Variants in DGKI observed in about 807,000 individuals in gnomAD.
DGKI encodes the protein DAG kinase iota.
DGKI carries 55 observed loss-of-function variants against 147.5 expected under a neutral mutation model. The observed-to-expected ratio is 0.37, with a 90% CI of 0.30 to 0.47. The LOEUF (loss-of-function observed/expected upper bound fraction) is 0.47, where lower values mean the gene tolerates loss of function less well. Among genes scored for constraint, DGKI ranks in the 20% least tolerant of loss-of-function variants. The probability of loss-of-function intolerance (pLI) is 1.00; values close to 1 mark genes in which losing one functional copy is unlikely to be tolerated. For synonymous variants in DGKI, 469 were observed against 477.1 expected, an observed-to-expected ratio of 0.98 and a Z score of 0.22; for missense variants, 1,007 against 1,323.8, an observed-to-expected ratio of 0.76 and a Z score of 3.71.
intron 1 of DGKI, among the ~76,000 whole-genome samples, chr7:137,836,353 T>A (rs957394557): frequency 6.6e-6 from 1 of 152,232 alleles, no homozygotes. Flanking sequence ...CTCATGAACA[T>A]ACTGACGAAT....
intron 3 of DGKI, among the ~76,000 whole-genome samples, chr7:137,673,059 G>A (rs145356454): frequency 0.01 from 1,551 of 152,010 alleles, 31 homozygotes; most frequent in African/African-American, 0.035. Context: ...TGGGATTACA[G>A]GCATGAGCCA....
chr7:137,713,242 C>T (rs547271737), intron 1 of DGKI, among the ~76,000 whole-genome samples: 1 of 152,216 alleles, frequency 6.6e-6, no homozygotes, highest in South Asian at 2.1e-4. Context: ...CTGCAGGACC[C>T]CTGCTCAAAT....
intron 23 of DGKI, among the ~76,000 whole-genome samples, chr7:137,476,937 G>T (rs1015702720): frequency 3.9e-5 from 6 of 152,152 alleles, no homozygotes; most frequent in Admixed American, 6.6e-5. Context: ...AGTGAGGTTT[G>T]GTATAGATCA....
intron 13 of DGKI, 88 bp downstream of exon 13, chr7:137,587,009 G>C (rs1439969033): frequency 1.8e-5 from 17 of 961,484 alleles, no homozygotes; most frequent in Non-Finnish European, 2.5e-5. Flanking sequence ...AGCAGCAGCA[G>C]TACCCCCCTC....
intron 24 of DGKI, among the ~76,000 whole-genome samples, chr7:137,467,266 A>G (rs1269416592): frequency 6.6e-6 from 1 of 152,194 alleles, no homozygotes; most frequent in African/African-American, 2.4e-5. Flanking sequence ...CCCTGCATCC[A>G]TCCACATTTA....
At chr7:137,811,593 C>T (rs775847123) in intron 1 of DGKI, among the ~76,000 whole-genome samples, 1 of 152,138 alleles carries the variant, frequency 6.6e-6, no homozygotes, top group African/African-American at 2.4e-5. Flanking sequence ...AACACTAAAA[C>T]GTAGTATAAG....
At chr7:137,475,027 C>T (rs905898802) in intron 23 of DGKI, among the ~76,000 whole-genome samples, 14 of 152,156 alleles carry the variant, frequency 9.2e-5, no homozygotes, top group African/African-American at 3.1e-4. Flanking sequence ...TATAATTATG[C>T]GAGAGATAAT....
chr7:137,433,158 C>A (rs1813145517), intron 28 of DGKI, among the ~76,000 whole-genome samples: 1 of 152,144 alleles, frequency 6.6e-6, no homozygotes, highest in African/African-American at 2.4e-5. Context: ...ATTTTAACAG[C>A]TTTATCCAGG....
chr7:137,390,781 T>C lies in DGKI; in HGVS notation c.*439A>G, dbSNP rs1811329384. On this transcript the variant is annotated 3_prime_UTR_variant, in exon 33 of 33. Coordinates refer to ENST00000614521, the MANE Select transcript of DGKI (RefSeq NM_001321708.2). Reference sequence around the variant, plus strand: ...AATCTTGTGGTCTTCCAAGACTGAATGTAAAGAGAAGAGATAATATTTTTC... The same window carrying C: ...AATCTTGTGGTCTTCCAAGACTGAACGTAAAGAGAAGAGATAATATTTTTC... The C allele has an allele frequency of 6.0e-6, 1 of 166,260 alleles. No individual in the cohort carries two copies. The highest frequency in any genetic ancestry group is 1.3e-5 in the Non-Finnish European group (1 of 75,772). 10.3% of individuals were successfully genotyped at this position (166,260 alleles called of 1,614,324 possible).
chr7:137,690,361 T>C (rs988493902), intron 1 of DGKI, among the ~76,000 whole-genome samples: 4 of 152,194 alleles, frequency 2.6e-5, no homozygotes, highest in Admixed American at 6.5e-5. Flanking sequence ...AACTTTAAGA[T>C]TGCCAGCGAC....
chr7:137,599,729 C>T (rs1819920497), intron 11 of DGKI, 94 bp downstream of exon 11: 1 of 1,099,996 alleles, frequency 9.1e-7, no homozygotes, highest in Non-Finnish European at 1.4e-6. Context: ...GACAGATGGT[C>T]AGGATATACC....
At chr7:137,724,966 T>C (rs768059968) in intron 1 of DGKI, among the ~76,000 whole-genome samples, 1 of 152,074 alleles carries the variant, frequency 6.6e-6, no homozygotes, top group Non-Finnish European at 1.5e-5. Context: ...AGATCGTTTC[T>C]AGCAAAAAGA....
chr7:137,485,292 T>C, intron 23 of DGKI, 82 bp downstream of exon 23: 1 of 1,077,286 alleles, frequency 9.3e-7, no homozygotes, highest in Non-Finnish European at 1.4e-6. Context: ...ATGTGAACTC[T>C]AAATCAAAAT....
chr7:137,821,718 C>A (rs1797908004), intron 1 of DGKI, among the ~76,000 whole-genome samples: 1 of 151,862 alleles, frequency 6.6e-6, no homozygotes, highest in Admixed American at 6.6e-5. Flanking sequence ...AGATGACAAC[C>A]TTTTTGGAAG....
At chr7:137,594,230 A>G (rs1314075426) in intron 12 of DGKI, among the ~76,000 whole-genome samples, 2 of 152,172 alleles carry the variant, frequency 1.3e-5, no homozygotes, top group Non-Finnish European at 2.9e-5. Context: ...TATTTTTAAT[A>G]GAGATGGTGT....
chr7:137,786,958 T>G (rs1316600839), intron 1 of DGKI, among the ~76,000 whole-genome samples: 1 of 152,154 alleles, frequency 6.6e-6, no homozygotes, highest in Non-Finnish European at 1.5e-5. Context: ...ATCTCTCACC[T>G]TATACAAAAA....
intron 6 of DGKI, among the ~76,000 whole-genome samples, chr7:137,625,892 T>C (rs1453783205): frequency 6.6e-6 from 1 of 152,174 alleles, no homozygotes; most frequent in East Asian, 1.9e-4. Flanking sequence ...TTGTAAGCTG[T>C]TCTGTTTAGG....
chr7:137,816,813 G>C (rs577904459), intron 1 of DGKI, among the ~76,000 whole-genome samples: 172 of 152,308 alleles, frequency 1.1e-3, no homozygotes, highest in Middle Eastern at 3.4e-3. Context: ...GTTAAGACCT[G>C]AATGATGCAA....
intron 21 of DGKI, chr7:137,513,856 G>T (rs139552038): frequency 5.8e-6 from 4 of 693,558 alleles, no homozygotes; most frequent in Non-Finnish European, 1.0e-5. Flanking sequence ...AAACCTCTGC[G>T]CCATGAGAGC....
Sources: allele counts gnomAD v4.1 joint callset (sites outside exome capture counted in the v4.1 genomes callset), GRCh38; gene constraint gnomAD v4.1.1; transcripts MANE v1.5; gene names NCBI Gene and HGNC (gene_info 2026-07-23, HGNC 2026-07-21).